GGPS1: variants seen among roughly 807,000 people sequenced by gnomAD.
GGPS1 encodes geranylgeranyl diphosphate synthase 1.
Under a neutral mutation model 28.1 loss-of-function variants are expected in GGPS1, and 15 were observed. The observed-to-expected ratio is 0.53, with a 90% CI of 0.36 to 0.82. GGPS1 has a LOEUF of 0.82. GGPS1 is among the 40% of genes least tolerant of loss of function. The pLI is 0.01. For synonymous variants in GGPS1, 138 were observed against 122.4 expected, an observed-to-expected ratio of 1.13 and a Z score of -0.84; for missense variants, 284 against 348.3, an observed-to-expected ratio of 0.82 and a Z score of 1.47.
chr1:235,331,492 G>A (rs1180384332), intron 1 of GGPS1, among the ~76,000 whole-genome samples: 1 of 152,148 alleles, frequency 6.6e-6, no homozygotes, highest in African/African-American at 2.4e-5. Context: ...AAAGGGTAAA[G>A]ATATTCCATA....
At position 235,342,143 on chromosome 1, in the gene GGPS1, G is replaced by T; in HGVS notation, c.274G>T (p.Ala92Ser). Residue 92 changes from alanine (A) to serine (S), a missense_variant, in exon 4 of 4, where the codon GCC (alanine) becomes TCC (serine). Physicochemically the swap from Ala to Ser is moderately conservative, Grantham distance 99. Coordinates refer to ENST00000282841, the MANE Select transcript of GGPS1 (RefSeq NM_004837.4). ...TGGAATCCCATCTGTCATCAATTCT[G>T]CCAATTACGTGTATTTCCTTGGCTT... The part of the protein sequence containing the change: ...IYGIPSVINS[A>S]NYVYFLGLEK... 1 of 1,614,112 alleles carries T rather than the reference G, an allele frequency of 6.2e-7. No homozygotes were observed. Among genetic ancestry groups the T allele is most frequent in the Non-Finnish European group, 8.5e-7 (1 of 1,180,000 alleles).
At chr1:235,341,828 G>T (rs575531650) in intron 3 of GGPS1, 50 bp downstream of exon 3, 1 of 1,088,304 alleles carries the variant, frequency 9.2e-7, no homozygotes, top group Non-Finnish European at 1.4e-6. Context: ...AATAGCTGTC[G>T]CATAAAAATA....
Position 235,342,879 on chromosome 1 carries a change from A to C in GGPS1, c.*107A>C. The stretch of plus-strand genomic sequence containing the variant: ...AATTTGTTATTCTCCAGAAACAGTA[A>C]ATAGGTGAGTAGGGGTGGTGCAAGT... On this transcript the variant is annotated 3_prime_UTR_variant, in exon 4 of 4. Coordinates refer to ENST00000282841, the MANE Select transcript of GGPS1 (RefSeq NM_004837.4). 2.9e-6 allele frequency: 2 copies of C among 697,638 alleles called. No homozygotes were observed. Among genetic ancestry groups the C allele is most frequent in the Non-Finnish European group, 4.8e-6 (2 of 414,406 alleles). The allele number at this position is 697,638 out of a possible 1,614,324, so 43.2% of individuals were successfully genotyped here.
chr1:235,332,784 T>G (rs77618656), intron 1 of GGPS1, among the ~76,000 whole-genome samples: 2,956 of 152,300 alleles, frequency 0.019, 32 homozygotes, highest in Non-Finnish European at 0.031. Context: ...CCTGAGAGTA[T>G]CAATGATCAG....
chr1:235,342,147 A>G lies in GGPS1; in HGVS notation c.278A>G (p.Asn93Ser). 1 of 1,614,178 alleles carries G rather than the reference A, an allele frequency of 6.2e-7. No individual in the cohort carries two copies. Among genetic ancestry groups the G allele is most frequent in the South Asian group, 1.1e-5 (1 of 91,078 alleles). ...YGIPSVINSA[N>S]YVYFLGLEKV... ...ATCCCATCTGTCATCAATTCTGCCA[A>G]TTACGTGTATTTCCTTGGCTTGGAG... is the stretch of plus-strand genomic sequence containing the variant. Residue 93 changes from asparagine (N) to serine (S), a missense_variant, in exon 4 of 4, where the codon AAT becomes AGT. Coordinates refer to ENST00000282841, the MANE Select transcript of GGPS1 (RefSeq NM_004837.4).
At chr1:235,330,770 A>T (rs1675687819) in intron 1 of GGPS1, among the ~76,000 whole-genome samples, 1 of 152,222 alleles carries the variant, frequency 6.6e-6, no homozygotes, top group Non-Finnish European at 1.5e-5. Context: ...CTGACACAAA[A>T]GGGAATTCTG....
In GGPS1 at chr1:235,335,316, T is replaced by TA. The variant is rs753701832; in HGVS notation, c.53dup (p.Tyr18Ter). ...AAGAATTCTTCTAGAACCCTATAAA[T>TA]ACTTACTTCAGTTACCAGGTAATAC... The part of the protein sequence containing the change: ...VQRILLEPYK[Y>*]LLQLPGKQVR... The change falls in exon 2 of 4, where the codon TAC becomes TAAC. Residue 18 changes from tyrosine to a stop codon, truncating the protein, a stop_gained and frameshift_variant. Coordinates refer to ENST00000282841, the MANE Select transcript of GGPS1 (RefSeq NM_004837.4). LOFTEE classifies it high-confidence loss of function. The TA allele has an allele frequency of 6.6e-7, 1 of 1,524,652 alleles. No homozygotes were observed. Among genetic ancestry groups the TA allele is most frequent in the South Asian group, 1.1e-5 (1 of 88,546 alleles). 94.4% of individuals were successfully genotyped at this position (1,524,652 alleles called of 1,614,324 possible).
Position 235,342,181 on chromosome 1 carries a change from A to C in GGPS1, c.312A>C (p.Leu104Phe). Residue 104 changes from leucine (L) to phenylalanine (F), a missense_variant, in exon 4 of 4, where the codon TTA becomes TTC. By Grantham distance (22) the Leu-to-Phe change is conservative (BLOSUM62 0). Transcript: ENST00000282841. ...YVYFLGLEKV[L>F]TLDHPDAVKL... ...ATTTCCTTGGCTTGGAGAAAGTCTTAACCCTTGATCACCCAGATGCAGTGA... is the reference window on the plus strand; with the variant it reads ...ATTTCCTTGGCTTGGAGAAAGTCTTCACCCTTGATCACCCAGATGCAGTGA... 6.2e-7 allele frequency: 1 copy of C among 1,614,118 alleles called. No individual in the cohort carries two copies. Among genetic ancestry groups the C allele is most frequent in the Non-Finnish European group, 8.5e-7 (1 of 1,179,968 alleles).
chr1:235,333,978 A>T (rs987528701), intron 1 of GGPS1, among the ~76,000 whole-genome samples: 2 of 152,242 alleles, frequency 1.3e-5, no homozygotes, highest in Admixed American at 6.5e-5. Context: ...AGAAACAGAT[A>T]CAAAGAAATA....
In GGPS1 at chr1:235,342,448, A is replaced by G. The variant is rs910830334; in HGVS notation, c.579A>G (p.Leu193=). The change falls in exon 4 of 4, where the codon CTA becomes CTG. Residue 193 remains leucine (L), a synonymous_variant. Coordinates refer to ENST00000282841, the MANE Select transcript of GGPS1 (RefSeq NM_004837.4). ...AAATTAGGGATGATTATGCTAATCTACACTCCAAAGAATATAGTGAAAACA... is the reference window on the plus strand; with the variant it reads ...AAATTAGGGATGATTATGCTAATCTGCACTCCAAAGAATATAGTGAAAACA... ...FFQIRDDYAN[L]HSKEYSENKS... The G allele has an allele frequency of 9.9e-6, 16 of 1,612,440 alleles. No homozygotes were observed. Among genetic ancestry groups the G allele is most frequent in the Non-Finnish European group, 1.0e-5 (12 of 1,178,612 alleles).
chr1:235,335,915 A>G (rs1490304592), intron 2 of GGPS1, among the ~76,000 whole-genome samples: 4 of 152,208 alleles, frequency 2.6e-5, no homozygotes, highest in Admixed American at 2.0e-4. Flanking sequence ...ATTTTCCAGT[A>G]TCTCACACAT....
upstream of GGPS1, chr1:235,327,238 G>A (rs985738102): frequency 1.1e-5 from 3 of 267,656 alleles, no homozygotes; most frequent in Admixed American, 1.1e-4. Flanking sequence ...ATTTCTGTCA[G>A]AGAAGAAACT....
rs777830425 is a variant in GGPS1 at position 235,342,604 on chromosome 1, A to G, written c.735A>G (p.Lys245=). ...RQRTENIDIK[K]YCVHYLEDVG... is the part of the protein sequence containing the mutation. ...GAACAGAAAACATAGATATAAAAAA[A>G]TACTGTGTACATTATCTTGAGGATG... Residue 245 remains lysine (K), a synonymous_variant, in exon 4 of 4, where the codon AAA becomes AAG. Coordinates refer to ENST00000282841, the MANE Select transcript of GGPS1 (RefSeq NM_004837.4). 26 of 1,611,788 alleles carry G rather than the reference A, an allele frequency of 1.6e-5. No individual in the cohort carries two copies. The highest frequency in any genetic ancestry group is 1.2e-4 in the African/African-American group (9 of 74,908).
chr1:235,339,799 T>C (rs1246239552), intron 2 of GGPS1, among the ~76,000 whole-genome samples: 1 of 152,130 alleles, frequency 6.6e-6, no homozygotes, highest in Non-Finnish European at 1.5e-5. Context: ...AGTTTTAACT[T>C]TTTATGTAAC....
chr1:235,330,737 A>G (rs1049678064), intron 1 of GGPS1: 6 of 152,240 alleles, frequency 3.9e-5, no homozygotes, highest in African/African-American at 1.4e-4. Context: ...TTTCTGTGCA[A>G]CAGGGTACAC....
At position 235,342,050 on chromosome 1, in the gene GGPS1, T is replaced by C; in HGVS notation, c.181T>C (p.Leu61=). 1 of 1,602,278 alleles carries C rather than the reference T, an allele frequency of 6.2e-7. No individual in the cohort carries two copies. The highest frequency in any genetic ancestry group is 1.7e-5 in the Admixed American group (1 of 57,658). ...EVTEMLHNAS[L]LIDDIEDNSK... ...GACAGAAATGTTGCATAATGCCAGTTTACTCATCGATGATATTGAAGACAA... is the reference window on the plus strand; with the variant it reads ...GACAGAAATGTTGCATAATGCCAGTCTACTCATCGATGATATTGAAGACAA... Residue 61 remains leucine, a synonymous_variant, in exon 4 of 4, where the codon TTA becomes CTA. Transcript: ENST00000282841.
intron 2 of GGPS1, 102 bp from the exon 3 acceptor site, chr1:235,341,606 G>A (rs901438832): frequency 3.9e-6 from 3 of 759,598 alleles, no homozygotes; most frequent in Non-Finnish European, 4.7e-6. Flanking sequence ...GATTTAGCAA[G>A]TCTGATCAAT....
At chr1:235,339,761 CAAA>C (rs34043751) in intron 2 of GGPS1, among the ~76,000 whole-genome samples, 1 of 130,622 alleles carries the variant, frequency 7.7e-6, no homozygotes, top group African/African-American at 3.0e-5. Flanking sequence ...ATTCCATCTC[CAAA>C]AAAAAAAAAA....
Position 235,341,763 on chromosome 1 carries a change from A to G in GGPS1, c.126A>G (p.Pro42=). The G allele has an allele frequency of 6.3e-7, 1 of 1,593,664 alleles. No individual in the cohort carries two copies. The highest frequency in any genetic ancestry group is 8.6e-7 in the Non-Finnish European group (1 of 1,161,416). Residue 42 remains proline, a synonymous_variant, in exon 3 of 4, where the codon CCA becomes CCG. Transcript: ENST00000282841. ...CATTTAATCATTGGCTGAAAGTTCC[A>G]GAGGACAAGCTACAGGTATTAGGCA... The part of the protein sequence containing the change: ...SQAFNHWLKV[P]EDKLQIIIEV...
Sources: gnomAD v4.1 joint callset for allele counts (sites outside exome capture counted in the v4.1 genomes callset) on GRCh38, gnomAD v4.1.1 for gene constraint, MANE v1.5 for transcripts, NCBI Gene and HGNC (gene_info 2026-07-23, HGNC 2026-07-21) for gene names.